The following NELL2 variants were observed in gnomAD, a reference collection of about 807,000 sequenced individuals.
NELL2 encodes the protein protein kinase C-binding protein NELL2.
In NELL2, 41 loss-of-function variants were observed where a neutral mutation model predicts 109.6. The observed-to-expected ratio is 0.37, with a 90% confidence interval of 0.29 to 0.49. The LOEUF is 0.49. Among genes scored for constraint, NELL2 ranks in the 20% least tolerant of loss-of-function variants. NELL2 has a pLI of 0.98. For missense variants in NELL2, 900 were observed against 1,008.3 expected (o/e 0.89, Z 1.45); for synonymous variants, 355 against 344.7 (o/e 1.03, Z -0.33).
intron 8 of NELL2, among the ~76,000 whole-genome samples, chr12:44,775,270 C>G (rs1470447327): frequency 6.8e-6 from 1 of 146,398 alleles, no homozygotes; most frequent in Non-Finnish European, 1.5e-5. Flanking sequence ...CACACACACA[C>G]AGTTCTGAAC....
chr12:44,596,851 G>A (rs1018900922), intron 15 of NELL2, among the ~76,000 whole-genome samples: 8 of 152,156 alleles, frequency 5.3e-5, no homozygotes, highest in Non-Finnish European at 8.8e-5. Flanking sequence ...TAGCCAGAGA[G>A]CCATCCTCCA....
rs572786092 is a variant in NELL2 at position 44,515,155 on chromosome 12, T to C, written c.2400+4850A>G. Reference sequence around the variant, plus strand: ...AAATCCATCAGTGTCACAAATTACATTAAATGTAAATAAACAAAACACTTT... The same window carrying C: ...AAATCCATCAGTGTCACAAATTACACTAAATGTAAATAAACAAAACACTTT... On this transcript the variant is annotated intron_variant, in intron 19 of 19. Coordinates refer to ENST00000429094, the MANE Select transcript of NELL2 (RefSeq NM_001145108.2). 3.8e-4 allele frequency among the ~76,000 whole-genome samples: 58 copies of C among 151,894 alleles called. No homozygotes were observed. The South Asian group carries it at 4.6e-3, about 12-fold the overall frequency.
chr12:44,636,452 G>A (rs1946639108), intron 13 of NELL2, among the ~76,000 whole-genome samples: 1 of 152,106 alleles, frequency 6.6e-6, no homozygotes, highest in Non-Finnish European at 1.5e-5. Flanking sequence ...TTTGAGATAT[G>A]TTTCATCAAT....
chr12:44,729,706 ATTT>A (rs34492664), intron 9 of NELL2, among the ~76,000 whole-genome samples: 2 of 147,324 alleles, frequency 1.4e-5, no homozygotes, highest in Non-Finnish European at 3.0e-5. Context: ...AGCTTCCAGG[ATTT>A]TTTTTTTTTT....
intron 15 of NELL2, among the ~76,000 whole-genome samples, chr12:44,562,486 C>G (rs933905751): frequency 1.3e-5 from 2 of 152,050 alleles, no homozygotes; most frequent in African/African-American, 4.8e-5. Flanking sequence ...AACAAACAAC[C>G]CCATGAAAAA....
intron 13 of NELL2, among the ~76,000 whole-genome samples, chr12:44,621,173 A>G: frequency 6.6e-6 from 1 of 152,154 alleles, no homozygotes; most frequent in East Asian, 1.9e-4. Flanking sequence ...TTCTCGGCCC[A>G]GAAAGCCCCT....
rs143747648 is a variant in NELL2 at position 44,905,616 on chromosome 12, T to C, written c.38+8183A>G. Reference sequence around the variant, plus strand: ...AATTAATATCTGGTTATCCAAGCACTGAGGGATCCTTAATGTCTCTTCCCA... The same window carrying C: ...AATTAATATCTGGTTATCCAAGCACCGAGGGATCCTTAATGTCTCTTCCCA... On this transcript the variant is annotated intron_variant, in intron 1 of 20. Transcript: ENST00000333837. Among the ~76,000 whole-genome samples, 260 of 152,252 alleles carry C rather than the reference T, an allele frequency of 1.7e-3. 1 individual carries two copies. Among genetic ancestry groups the C allele is most frequent in the African/African-American group, 5.7e-3 (239 of 41,580 alleles).
intron 9 of NELL2, among the ~76,000 whole-genome samples, chr12:44,771,750 T>C (rs1285226081): frequency 1.3e-5 from 2 of 152,220 alleles, no homozygotes; most frequent in African/African-American, 2.4e-5. Flanking sequence ...ACAACAACCA[T>C]CTTGCTATTC....
intron 9 of NELL2, among the ~76,000 whole-genome samples, chr12:44,774,120 AAATT>A (rs1941657006): frequency 6.6e-6 from 1 of 152,250 alleles, no homozygotes; most frequent in African/African-American, 2.4e-5. Context: ...AAACATAAAT[AAATT>A]ATTTCCATTA....
At chr12:44,685,207 G>A (rs1326581494) in intron 12 of NELL2, among the ~76,000 whole-genome samples, 2 of 151,990 alleles carry the variant, frequency 1.3e-5, no homozygotes, top group Non-Finnish European at 2.9e-5. Context: ...TTGGTTTAAA[G>A]TCTGTTTTAT....
chr12:44,713,741 T>C (rs533271001), intron 10 of NELL2, among the ~76,000 whole-genome samples: 1 of 152,068 alleles, frequency 6.6e-6, no homozygotes, highest in South Asian at 2.1e-4. Flanking sequence ...TTAAGATGCA[T>C]AAACTGGATA....
intron 2 of NELL2, among the ~76,000 whole-genome samples, chr12:44,850,056 G>T (rs1390715158): frequency 6.6e-6 from 1 of 152,058 alleles, no homozygotes; most frequent in Non-Finnish European, 1.5e-5. Flanking sequence ...TTGGGTGGCG[G>T]TTATCTGATT....
chr12:44,562,525 T>G (rs1273693792), intron 15 of NELL2, among the ~76,000 whole-genome samples: 1 of 152,158 alleles, frequency 6.6e-6, no homozygotes, highest in Non-Finnish European at 1.5e-5. Flanking sequence ...CAGACACTTC[T>G]CAAAAGAAGA....
chr12:44,810,055 A>C (rs1430622534), intron 3 of NELL2, among the ~76,000 whole-genome samples: 1 of 152,050 alleles, frequency 6.6e-6, no homozygotes. Flanking sequence ...GGCACCCTGC[A>C]TCAATATAGC....
rs545705414 is a variant in NELL2, at chr12:44,510,867, G to A, written c.2401-1883C>T. ...CTGACAAAGGCCACTCTGAGGTGCC[G>A]GCTCAGAGGCACAGGTTTTCTGACC... On this transcript the variant is annotated intron_variant, in intron 19 of 19. Transcript: ENST00000429094. Among the ~76,000 whole-genome samples, 6 of 152,262 alleles carry A rather than the reference G, an allele frequency of 3.9e-5. No individual in the cohort carries two copies. In the East Asian group the frequency reaches 5.8e-4, roughly 15 times the overall value.
In NELL2 at chr12:44,767,925, T is replaced by A. The variant is rs529656890; in HGVS notation, c.994+6822A>T. 1.7e-3 allele frequency among the ~76,000 whole-genome samples: 257 copies of A among 152,326 alleles called. 1 individual carries two copies. The highest frequency in any genetic ancestry group is 3.0e-3 in the Non-Finnish European group (201 of 68,012). On this transcript the variant is annotated intron_variant, in intron 9 of 19. Coordinates refer to ENST00000429094, the MANE Select transcript of NELL2 (RefSeq NM_001145108.2). ...TTGCATGGTTTGCAGATTTATTATA[T>A]GCATGCATTATTTTTAATTAAAGCA...
At chr12:44,758,691 C>T (rs1940996496) in intron 9 of NELL2, among the ~76,000 whole-genome samples, 1 of 152,112 alleles carries the variant, frequency 6.6e-6, no homozygotes, top group Non-Finnish European at 1.5e-5. Flanking sequence ...TAACTCAATT[C>T]ATTCAATATA....
chr12:44,679,445 G>A (rs757502885), intron 12 of NELL2, among the ~76,000 whole-genome samples: 1 of 152,082 alleles, frequency 6.6e-6, no homozygotes, highest in Non-Finnish European at 1.5e-5. Context: ...TGAACACACA[G>A]CTGTGTGAAT....
chr12:44,690,296 T>C (rs1948859591), intron 12 of NELL2, among the ~76,000 whole-genome samples: 1 of 152,142 alleles, frequency 6.6e-6, no homozygotes, highest in Non-Finnish European at 1.5e-5. Flanking sequence ...GTTGAGCATA[T>C]AGCTGAAAAG....
Sources: gnomAD v4.1 joint callset for allele counts (sites outside exome capture counted in the v4.1 genomes callset) on GRCh38, gnomAD v4.1.1 for gene constraint, MANE v1.5 for transcripts, NCBI Gene and HGNC (gene_info 2026-07-23, HGNC 2026-07-21) for gene names.